The following ACOT1 variants were observed in gnomAD, a reference collection of about 807,000 sequenced individuals.
The protein encoded by ACOT1 is acyl-coenzyme A thioesterase 1.
A neutral mutation model predicts 15.7 loss-of-function variants in ACOT1; 8 were observed. That is an observed-to-expected ratio of 0.51 (90% confidence interval 0.30 to 0.92). The LOEUF is 0.92. Ranked by LOEUF, ACOT1 falls within the 40% of genes least tolerant of loss-of-function variation. The probability of loss-of-function intolerance (pLI) is 0.06; values close to 1 mark genes in which losing one functional copy is unlikely to be tolerated. For synonymous variants in ACOT1, 67 were observed against 241.2 expected (o/e 0.28, Z 6.69); for missense variants, 151 against 539.4 (o/e 0.28, Z 7.13).
chr14:73,522,458 T>G, the ACOT1 span: 1 of 1,614,090 alleles, frequency 6.2e-7, no homozygotes, highest in Non-Finnish European at 8.5e-7. Context: ...GCTCTGCCAC[T>G]TGTTGGGGGA....
the ACOT1 span, among the ~76,000 whole-genome samples, chr14:73,504,523 C>T: frequency 8.5e-5 from 13 of 152,118 alleles, no homozygotes; most frequent in South Asian, 6.2e-4. Context: ...ATTACAGGTG[C>T]GAGCCACTGT....
chr14:73,490,972 C>T, the ACOT1 span: 210 of 1,314,914 alleles, frequency 1.6e-4, no homozygotes, highest in Middle Eastern at 5.6e-4. Context: ...ACCGCTTTAG[C>T]TTCGCCCCCG....
the ACOT1 span, among the ~76,000 whole-genome samples, chr14:73,509,810 CCATATATATATATATATATATA>C: frequency 4.0e-3 from 250 of 63,192 alleles, 21 homozygotes; most frequent in Admixed American, 0.012. Flanking sequence ...CCCCATGAGC[CCATATATATATATATATATATA>C]TATATATATA....
chr14:73,519,132 T>C, the ACOT1 span: 2 of 1,613,598 alleles, frequency 1.2e-6, no homozygotes, highest in East Asian at 4.5e-5. Context: ...GGTCTCTCTT[T>C]GCACCAATCT....
the ACOT1 span, chr14:73,509,491 A>G: frequency 6.8e-6 from 11 of 1,612,850 alleles, no homozygotes; most frequent in South Asian, 9.9e-5. Context: ...CAAAAGAGCC[A>G]GGTAAGAGAG....
At chr14:73,497,944 G>T in the ACOT1 span, among the ~76,000 whole-genome samples, 1 of 152,150 alleles carries the variant, frequency 6.6e-6, no homozygotes, top group Non-Finnish European at 1.5e-5. Context: ...TCCTGGTGGG[G>T]AGAAAAGATG....
At chr14:73,532,933 T>C (rs1344649704), upstream of ACOT1, among the ~76,000 whole-genome samples, 7 of 109,906 alleles carry the variant, frequency 6.4e-5, 3 homozygotes, top group Admixed American at 2.1e-4. Flanking sequence ...CCAGCCTGGG[T>C]GACAGAGCAA....
the ACOT1 span, among the ~76,000 whole-genome samples, chr14:73,525,093 G>A: frequency 1.3e-5 from 2 of 151,984 alleles, no homozygotes; most frequent in Admixed American, 6.6e-5. Context: ...GCACTGGCAC[G>A]ATCATAGCTC....
chr14:73,491,258 G>C, the ACOT1 span: 5 of 1,578,508 alleles, frequency 3.2e-6, no homozygotes, highest in Non-Finnish European at 4.3e-6. Flanking sequence ...CGCGCTACCC[G>C]GTGGGGCGGC....
At chr14:73,508,231 G>A in the ACOT1 span, 1 of 1,613,846 alleles carries the variant, frequency 6.2e-7, no homozygotes, top group African/African-American at 1.3e-5. Context: ...CTTAATCACA[G>A]GGTAAGTAGC....
At chr14:73,492,100 A>T in the ACOT1 span, 1 of 1,613,344 alleles carries the variant, frequency 6.2e-7, no homozygotes, top group Non-Finnish European at 8.5e-7. This position sits in a 1 kb window ranked among gnomAD's most constrained non-coding sequence, Gnocchi z 4.9. Context: ...GTGTATACCG[A>T]CCCCGAGTCC....
At chr14:73,512,244 A>C in the ACOT1 span, 1 of 1,405,264 alleles carries the variant, frequency 7.1e-7, no homozygotes, top group Non-Finnish European at 9.8e-7. Flanking sequence ...CTTCACCCAG[A>C]ATAATTCAAG....
the ACOT1 span, among the ~76,000 whole-genome samples, chr14:73,518,417 A>C: frequency 6.6e-6 from 1 of 152,234 alleles, no homozygotes; most frequent in South Asian, 2.1e-4. Context: ...AAAAAGAAAA[A>C]AAAAAAAAAG....
the ACOT1 span, chr14:73,493,181 A>T: frequency 7.0e-7 from 1 of 1,419,840 alleles, no homozygotes; most frequent in South Asian, 1.2e-5. Flanking sequence ...TTGATCCGTG[A>T]TCATTTCAGA....
chr14:73,494,761 A>G, the ACOT1 span, among the ~76,000 whole-genome samples: 1 of 152,038 alleles, frequency 6.6e-6, no homozygotes, highest in African/African-American at 2.4e-5. Context: ...GGGTCTTGCT[A>G]TGTTGCCCAG....
At chr14:73,523,075 G>A in the ACOT1 span, 2 of 1,613,278 alleles carry the variant, frequency 1.2e-6, no homozygotes, top group Non-Finnish European at 1.7e-6. Flanking sequence ...TTAAAATCAT[G>A]CCCCATCCCA....
chr14:73,502,447 A>G, the ACOT1 span, among the ~76,000 whole-genome samples: 2 of 151,994 alleles, frequency 1.3e-5, no homozygotes, highest in South Asian at 2.1e-4. Flanking sequence ...CCCTAGCCAC[A>G]TTGTTAGTTT....
At chr14:73,520,757 G>A in the ACOT1 span, 16 of 1,182,628 alleles carry the variant, frequency 1.4e-5, no homozygotes, top group East Asian at 2.3e-5. Flanking sequence ...AGGGCCTCTT[G>A]TCCATACCCA....
At chr14:73,517,131 T>C in the ACOT1 span, 1 of 152,008 alleles carries the variant, frequency 6.6e-6, no homozygotes, top group Non-Finnish European at 1.5e-5. Context: ...AGTTAAAAAT[T>C]AGCTGAGTGT....
Sources: allele counts gnomAD v4.1 joint callset (sites outside exome capture counted in the v4.1 genomes callset), GRCh38; gene constraint gnomAD v4.1.1; non-coding constraint Gnocchi (gnomAD v3.1); transcripts MANE v1.5; gene names NCBI Gene and HGNC (gene_info 2026-07-23, HGNC 2026-07-21).